PMM2: variants seen among roughly 807,000 people sequenced by gnomAD.
PMM2 encodes phosphomannomutase 2.
Under a neutral mutation model 33.2 loss-of-function variants are expected in PMM2, and 35 were observed. The ratio of observed to expected loss-of-function variants is 1.06; its 90% CI spans 0.81 to 1.40. The LOEUF is 1.40. Among genes scored for constraint, PMM2 ranks in the 40% most tolerant of loss-of-function variants. PMM2 has a pLI of 0.00. For synonymous variants in PMM2, 153 were observed against 114.7 expected (o/e 1.33, Z -2.13); for missense variants, 386 against 306.0 (o/e 1.26, Z -1.95).
intron 1 of PMM2, among the ~76,000 whole-genome samples, chr16:8,799,468 C>T (rs1169173704): frequency 1.3e-5 from 2 of 152,144 alleles, no homozygotes; most frequent in African/African-American, 4.8e-5. Context: ...CATTTCCTAT[C>T]TGTGCTAAGG....
chr16:8,804,398 G>T (rs2060634703), intron 2 of PMM2, among the ~76,000 whole-genome samples: 1 of 152,062 alleles, frequency 6.6e-6, no homozygotes, highest in Non-Finnish European at 1.5e-5. Context: ...TCTGATTCAG[G>T]AAGCGAGAGA....
chr16:8,835,356 T>C (rs2060838377), intron 7 of PMM2, among the ~76,000 whole-genome samples: 1 of 151,866 alleles, frequency 6.6e-6, no homozygotes, highest in South Asian at 2.1e-4. Flanking sequence ...GGGGATGAAA[T>C]TTGGGCTTGA....
chr16:8,846,501 G>A (rs1169922942), intron 7 of PMM2, among the ~76,000 whole-genome samples: 1 of 152,132 alleles, frequency 6.6e-6, no homozygotes, highest in Non-Finnish European at 1.5e-5. Context: ...TTGCGGGAGC[G>A]GCAGATAACC....
chr16:8,834,119 C>A lies in PMM2; in HGVS notation c.640-13605C>A, dbSNP rs528019892. 4.2e-4 allele frequency among the ~76,000 whole-genome samples: 64 copies of A among 152,306 alleles called. 1 individual carries two copies. In the South Asian group the frequency reaches 5.2e-3, roughly 12 times the overall value. Reference sequence around the variant, plus strand: ...AAAGGAGCGTCTATACAGGAGCTTACATGGGCTGTACCTTGTAGCATTCTG... The same window carrying A: ...AAAGGAGCGTCTATACAGGAGCTTAAATGGGCTGTACCTTGTAGCATTCTG... On this transcript the variant is annotated intron_variant, in intron 7 of 7. Transcript: ENST00000268261.
chr16:8,836,139 C>T (rs900557217), intron 7 of PMM2, among the ~76,000 whole-genome samples: 1 of 148,296 alleles, frequency 6.7e-6, no homozygotes, highest in Admixed American at 6.7e-5. Flanking sequence ...GGAAACAGGC[C>T]CTTGAAAAGA....
chr16:8,846,560 C>G (rs1014265765), intron 7 of PMM2, among the ~76,000 whole-genome samples: 9 of 152,056 alleles, frequency 5.9e-5, no homozygotes, highest in East Asian at 1.9e-4. Context: ...GATGGGGACA[C>G]AGATGGGAGC....
At chr16:8,802,572 T>G (rs550889656) in intron 2 of PMM2, among the ~76,000 whole-genome samples, 75 of 152,316 alleles carry the variant, frequency 4.9e-4, no homozygotes, top group African/African-American at 1.8e-3. Flanking sequence ...CTCACGCTTA[T>G]AATCCCAGCA....
At chr16:8,813,498 G>A (rs548574321) in intron 7 of PMM2, among the ~76,000 whole-genome samples, 3 of 152,244 alleles carry the variant, frequency 2.0e-5, no homozygotes, top group South Asian at 4.2e-4. Context: ...AGTTGAACAC[G>A]AGGGGCCATG....
In PMM2 at chr16:8,816,469, G is replaced by A. The variant is rs997508388; in HGVS notation, c.639+3363G>A. ...TTTTTTAATGTTGGTGGCTGGGTGCGGTGGCTCACACCTATAATCCCAGCA... is the reference window on the plus strand; with the variant it reads ...TTTTTTAATGTTGGTGGCTGGGTGCAGTGGCTCACACCTATAATCCCAGCA... On this transcript the variant is annotated intron_variant, in intron 7 of 7. Coordinates refer to ENST00000268261, the MANE Select transcript of PMM2 (RefSeq NM_000303.3). 4.6e-5 allele frequency among the ~76,000 whole-genome samples: 7 copies of A among 151,948 alleles called. No individual in the cohort carries two copies. In the South Asian group the frequency reaches 8.3e-4, roughly 18 times the overall value.
At chr16:8,833,770 A>G (rs1314896857) in intron 7 of PMM2, among the ~76,000 whole-genome samples, 1 of 152,144 alleles carries the variant, frequency 6.6e-6, no homozygotes, top group Non-Finnish European at 1.5e-5. Flanking sequence ...GGAGAAAAAC[A>G]GGTATAAAAG....
Position 8,848,948 on chromosome 16 carries a change from A to T in PMM2, c.*1123A>T, listed in dbSNP as rs1469117361. 1 of 152,232 alleles carries T rather than the reference A, an allele frequency of 6.6e-6. No homozygotes were observed. Among genetic ancestry groups the T allele is most frequent in the East Asian group, 1.9e-4 (1 of 5,192 alleles). The allele number at this position is 152,232 out of a possible 1,614,324, so 9.4% of individuals were successfully genotyped here. ...GAACACGGTGGAAGAGAACTTTCCTAGGAAACGGTTCATGTGTCACTTTTC... is the reference window on the plus strand; with the variant it reads ...GAACACGGTGGAAGAGAACTTTCCTTGGAAACGGTTCATGTGTCACTTTTC... On this transcript the variant is annotated 3_prime_UTR_variant, in exon 8 of 8. Transcript: ENST00000268261.
intron 2 of PMM2, chr16:8,802,164 A>C (rs1400918966): frequency 1.0e-5 from 5 of 496,422 alleles, no homozygotes; most frequent in Non-Finnish European, 1.6e-5. Flanking sequence ...CTGTATCTGC[A>C]CATGATAATC....
chr16:8,799,240 T>C (rs2060597259), intron 1 of PMM2, among the ~76,000 whole-genome samples: 1 of 152,216 alleles, frequency 6.6e-6, no homozygotes. Flanking sequence ...CCCAATGTGG[T>C]CTGTGGGCCA....
At chr16:8,834,472 A>G (rs2060830697) in intron 7 of PMM2, among the ~76,000 whole-genome samples, 1 of 151,760 alleles carries the variant, frequency 6.6e-6, no homozygotes, top group Non-Finnish European at 1.5e-5. Context: ...CTACTTATCT[A>G]GTGAAAGTGT....
intron 2 of PMM2, among the ~76,000 whole-genome samples, chr16:8,803,771 C>T (rs766505962): frequency 3.3e-5 from 5 of 151,898 alleles, no homozygotes; most frequent in African/African-American, 9.7e-5. Flanking sequence ...GTAACCTCTG[C>T]GTCCTGGGTT....
At chr16:8,810,792 A>C in intron 4 of PMM2, 1 of 441,618 alleles carries the variant, frequency 2.3e-6, no homozygotes, top group Non-Finnish European at 4.2e-6. Context: ...GTCCAGGCTC[A>C]AAATATGAGC....
chr16:8,847,392 A>AAG (rs2060933754), intron 7 of PMM2, among the ~76,000 whole-genome samples: 1 of 151,456 alleles, frequency 6.6e-6, no homozygotes, highest in Admixed American at 6.6e-5. Context: ...AAAAAAAAAA[A>AAG]ACTGATGGCT....
At chr16:8,841,088 C>G (rs1431314067) in intron 7 of PMM2, among the ~76,000 whole-genome samples, 2 of 151,972 alleles carry the variant, frequency 1.3e-5, no homozygotes, top group East Asian at 3.8e-4. Flanking sequence ...AAGTACTGTC[C>G]AATCCTTTTT....
intron 7 of PMM2, among the ~76,000 whole-genome samples, chr16:8,844,618 G>A (rs570296072): frequency 5.9e-5 from 9 of 152,332 alleles, no homozygotes; most frequent in African/African-American, 1.9e-4. Context: ...GTGTCCCTGC[G>A]TGGTCTGACA....
Sources: gnomAD v4.1 joint callset for allele counts (sites outside exome capture counted in the v4.1 genomes callset) on GRCh38, gnomAD v4.1.1 for gene constraint, MANE v1.5 for transcripts, NCBI Gene and HGNC (gene_info 2026-07-23, HGNC 2026-07-21) for gene names.